The following PRKCA variants were observed in gnomAD, a reference collection of about 807,000 sequenced individuals.
PRKCA encodes the protein protein kinase C alpha type.
PRKCA carries 27 observed loss-of-function variants against 87.0 expected under a neutral mutation model. That is an observed-to-expected ratio of 0.31 (90% CI 0.23 to 0.43). The LOEUF is 0.43. Ranked by LOEUF, PRKCA falls within the 20% of genes least tolerant of loss-of-function variation. The pLI is 1.00. For synonymous variants in PRKCA, 329 were observed against 311.1 expected, an observed-to-expected ratio of 1.06 and a Z score of -0.61; for missense variants, 518 against 852.3, an observed-to-expected ratio of 0.61 and a Z score of 4.88.
intron 3 of PRKCA, among the ~76,000 whole-genome samples, chr17:66,626,535 T>TC (rs1970862142): frequency 6.6e-6 from 1 of 151,256 alleles, no homozygotes; most frequent in Non-Finnish European, 1.5e-5. Flanking sequence ...CTAATTTTTT[T>TC]TTTTTTTTGT....
intron 16 of PRKCA, among the ~76,000 whole-genome samples, chr17:66,797,368 G>T (rs1454160798): frequency 1.3e-5 from 2 of 152,230 alleles, no homozygotes; most frequent in African/African-American, 4.8e-5. Context: ...ATTGAAGTTT[G>T]ACCAAATGGG....
intron 13 of PRKCA, among the ~76,000 whole-genome samples, chr17:66,745,353 C>T (rs1170769032): frequency 3.3e-5 from 5 of 152,234 alleles, no homozygotes; most frequent in African/African-American, 1.2e-4. Context: ...GAAGTGACCA[C>T]CTTCTATTGT....
At chr17:66,655,303 CT>C (rs887007130) in intron 5 of PRKCA, among the ~76,000 whole-genome samples, 22 of 152,146 alleles carry the variant, frequency 1.4e-4, no homozygotes, top group African/African-American at 5.3e-4. Context: ...GTAGGCAGTA[CT>C]TTGCCCATCT....
intron 2 of PRKCA, among the ~76,000 whole-genome samples, chr17:66,451,160 C>T (rs1404717672): frequency 1.3e-5 from 2 of 152,154 alleles, no homozygotes; most frequent in African/African-American, 4.8e-5. Flanking sequence ...GGAAATTAGA[C>T]ATTGCTATTC....
intron 3 of PRKCA, among the ~76,000 whole-genome samples, chr17:66,596,160 C>T (rs915521191): frequency 6.6e-6 from 1 of 152,178 alleles, no homozygotes; most frequent in African/African-American, 2.4e-5. Context: ...GTTGTGGTGC[C>T]TGTCATTCAT....
chr17:66,558,990 T>C (rs1313734110), intron 3 of PRKCA, among the ~76,000 whole-genome samples: 1 of 152,166 alleles, frequency 6.6e-6, no homozygotes, highest in African/African-American at 2.4e-5. Flanking sequence ...TGGTAAGAAC[T>C]GAGAGCACCT....
rs563852964 is a variant in PRKCA, at chr17:66,719,900, T to A, written c.919-12788T>A. On this transcript the variant is annotated intron_variant, in intron 8 of 16. Coordinates refer to ENST00000413366, the MANE Select transcript of PRKCA (RefSeq NM_002737.3). ...AGAGGCAGCCTTGCTGTAGAAATTA[T>A]TTTAAAGCAACATTTCTGCCTCTTA... Among the ~76,000 whole-genome samples, 33 of 152,380 alleles carry A rather than the reference T, an allele frequency of 2.2e-4. No homozygotes were observed. The Middle Eastern group carries it at 0.017, about 79-fold the overall frequency.
At chr17:66,460,163 C>T (rs55812401) in intron 2 of PRKCA, among the ~76,000 whole-genome samples, 7,531 of 152,068 alleles carry the variant, frequency 0.05, 618 homozygotes, top group African/African-American at 0.17. Flanking sequence ...TCAATTATTA[C>T]GCAAGGTATT....
chr17:66,579,189 A>G (rs1187183032), intron 3 of PRKCA, among the ~76,000 whole-genome samples: 1 of 152,202 alleles, frequency 6.6e-6, no homozygotes, highest in African/African-American at 2.4e-5. Context: ...AGTAGGGAAG[A>G]CAGACATCAA....
intron 8 of PRKCA, among the ~76,000 whole-genome samples, chr17:66,693,281 G>A (rs183447999): frequency 2.6e-5 from 4 of 152,180 alleles, no homozygotes; most frequent in Admixed American, 6.5e-5. Flanking sequence ...CCTTGATTGC[G>A]ATACTCATGG....
At chr17:66,354,657 G>A (rs989612567) in intron 2 of PRKCA, among the ~76,000 whole-genome samples, 5 of 151,990 alleles carry the variant, frequency 3.3e-5, no homozygotes, top group Non-Finnish European at 5.9e-5. Flanking sequence ...ATTTGGCCTC[G>A]GACTGCCTAC....
intron 2 of PRKCA, among the ~76,000 whole-genome samples, chr17:66,399,420 A>G (rs559586284): frequency 2.0e-4 from 31 of 152,274 alleles, no homozygotes; most frequent in African/African-American, 7.0e-4. Flanking sequence ...TAAGTTTTTC[A>G]AAATTTCAAT....
intron 2 of PRKCA, 43 bp from the exon 3 acceptor site, chr17:66,496,158 A>G: frequency 1.4e-6 from 2 of 1,472,488 alleles, no homozygotes; most frequent in Non-Finnish European, 1.9e-6. Flanking sequence ...CTCGTATGTT[A>G]AATCATGTCT....
chr17:66,314,924 TG>T (rs1414480346), intron 2 of PRKCA, among the ~76,000 whole-genome samples: 2 of 149,970 alleles, frequency 1.3e-5, no homozygotes, highest in African/African-American at 4.9e-5. Flanking sequence ...TGTATATGTG[TG>T]TATATATATG....
intron 2 of PRKCA, among the ~76,000 whole-genome samples, chr17:66,493,297 TTGTGTG>T (rs61513917): frequency 2.0e-4 from 28 of 143,176 alleles, no homozygotes; most frequent in Admixed American, 4.2e-4. Context: ...GTAGGTATAT[TTGTGTG>T]TGTGTGTGTG....
At chr17:66,628,310 A>G (rs866520883) in intron 3 of PRKCA, among the ~76,000 whole-genome samples, 93 of 152,288 alleles carry the variant, frequency 6.1e-4, no homozygotes, top group African/African-American at 2.1e-3. Flanking sequence ...AGTGTTATTC[A>G]TAACAGTGAA....
intron 2 of PRKCA, among the ~76,000 whole-genome samples, chr17:66,466,916 A>G (rs75218216): frequency 0.054 from 8,211 of 152,180 alleles, 316 homozygotes; most frequent in South Asian, 0.1. Context: ...CTCAGTTTAA[A>G]TTTGTGACTG....
At chr17:66,542,493 G>A (rs1031677868) in intron 3 of PRKCA, among the ~76,000 whole-genome samples, 10 of 152,038 alleles carry the variant, frequency 6.6e-5, no homozygotes, top group African/African-American at 1.4e-4. Flanking sequence ...AAGGCTTCTT[G>A]GGAAATAGAG....
rs767265158 is a variant in PRKCA at position 66,735,458 on chromosome 17, A to G, written c.1057-31A>G. The G allele has an allele frequency of 6.8e-6, 11 of 1,613,808 alleles. No homozygotes were observed. In the Admixed American group the frequency reaches 1.8e-4, roughly 27 times the overall value. On this transcript the variant is annotated intron_variant, in intron 9 of 16. Coordinates refer to ENST00000413366, the MANE Select transcript of PRKCA (RefSeq NM_002737.3). ...CTGCCCCCCAAGATATGTGCTTACAAGTGTTCAGGTTGTTCTTGACGTGTT... is the reference window on the plus strand; with the variant it reads ...CTGCCCCCCAAGATATGTGCTTACAGGTGTTCAGGTTGTTCTTGACGTGTT...
Sources: gnomAD v4.1 joint callset for allele counts (sites outside exome capture counted in the v4.1 genomes callset) on GRCh38, gnomAD v4.1.1 for gene constraint, MANE v1.5 for transcripts, NCBI Gene and HGNC (gene_info 2026-07-23, HGNC 2026-07-21) for gene names.